HS3ST4: variants seen among roughly 807,000 people sequenced by gnomAD.
The protein encoded by HS3ST4 is heparan sulfate glucosamine 3-O-sulfotransferase 4.
Under a neutral mutation model 29.2 loss-of-function variants are expected in HS3ST4, and 17 were observed. The ratio of observed to expected loss-of-function variants is 0.58; its 90% CI spans 0.40 to 0.87. The LOEUF is 0.87. Ranked by LOEUF, HS3ST4 falls within the 40% of genes least tolerant of loss-of-function variation. HS3ST4 has a pLI of 0.00. For missense variants in HS3ST4, 627 were observed against 634.5 expected (o/e 0.99, Z 0.13); for synonymous variants, 314 against 285.7 (o/e 1.10, Z -1.00).
At chr16:26,091,958 A>G (rs963226477) in intron 1 of HS3ST4, among the ~76,000 whole-genome samples, 1 of 152,148 alleles carries the variant, frequency 6.6e-6, no homozygotes. Context: ...CTGGGGCTTG[A>G]CTTCTGCAGG....
At chr16:25,857,633 C>T (rs745680142) in intron 1 of HS3ST4, among the ~76,000 whole-genome samples, 5 of 152,078 alleles carry the variant, frequency 3.3e-5, no homozygotes, top group Non-Finnish European at 5.9e-5. Flanking sequence ...TTAGGGCTTT[C>T]TATTGTGTCT....
Position 25,814,588 on chromosome 16 carries a change from G to A in HS3ST4, c.734+121437G>A, listed in dbSNP as rs1322488539. Among the ~76,000 whole-genome samples the A allele has an allele frequency of 5.3e-5, 8 of 152,132 alleles. No homozygotes were observed. The East Asian group carries it at 1.2e-3, about 22-fold the overall frequency. On this transcript the variant is annotated intron_variant, in intron 1 of 1. Transcript: ENST00000331351. ...TCTGGAAGTCCTGACCTTGTGATCCGCCTGCCTTGCCTCCCAAAGCGCTGG... is the reference window on the plus strand; with the variant it reads ...TCTGGAAGTCCTGACCTTGTGATCCACCTGCCTTGCCTCCCAAAGCGCTGG...
intron 1 of HS3ST4, among the ~76,000 whole-genome samples, chr16:25,718,052 T>G (rs1289882529): frequency 6.6e-6 from 1 of 152,160 alleles, no homozygotes; most frequent in Non-Finnish European, 1.5e-5. Context: ...CTCCTAGGTT[T>G]GTGGCTGGCT....
At chr16:25,773,496 C>G (rs1966844764) in intron 1 of HS3ST4, among the ~76,000 whole-genome samples, 1 of 152,152 alleles carries the variant, frequency 6.6e-6, no homozygotes, top group African/African-American at 2.4e-5. Context: ...TCATAAACCC[C>G]TTTAACTCTC....
At chr16:25,933,520 A>G (rs1596618633) in intron 1 of HS3ST4, 2 of 424,974 alleles carry the variant, frequency 4.7e-6, no homozygotes, top group Non-Finnish European at 9.4e-6. Flanking sequence ...GCCTCTCTTT[A>G]TGAACTCTCT....
chr16:25,721,193 G>T (rs980158398), intron 1 of HS3ST4, among the ~76,000 whole-genome samples: 1 of 152,048 alleles, frequency 6.6e-6, no homozygotes, highest in Non-Finnish European at 1.5e-5. Flanking sequence ...CTTGGAGGAG[G>T]AGAGGACATG....
chr16:26,102,592 G>T (rs187405789), intron 1 of HS3ST4, among the ~76,000 whole-genome samples: 3 of 152,102 alleles, frequency 2.0e-5, no homozygotes, highest in Non-Finnish European at 4.4e-5. Flanking sequence ...AAGATCGTAC[G>T]TACAAAACAA....
In HS3ST4 at chr16:25,823,378, A is replaced by T. The variant is rs551554851; in HGVS notation, c.734+130227A>T. Among the ~76,000 whole-genome samples the T allele has an allele frequency of 7.6e-4, 116 of 152,248 alleles. 1 individual carries two copies. Among genetic ancestry groups the T allele is most frequent in the Middle Eastern group, 3.4e-3 (1 of 294 alleles). On this transcript the variant is annotated intron_variant, in intron 1 of 1. Coordinates refer to ENST00000331351, the MANE Select transcript of HS3ST4 (RefSeq NM_006040.3). ...CTGCAACTCCTTTCCTACGATAATG[A>T]CTGCTTATTTGTCCAAAAGGAGGAA... is the stretch of plus-strand genomic sequence containing the variant.
At chr16:25,822,284 C>G (rs1333664261) in intron 1 of HS3ST4, among the ~76,000 whole-genome samples, 2 of 152,128 alleles carry the variant, frequency 1.3e-5, no homozygotes, top group South Asian at 2.1e-4. Flanking sequence ...TTGCCTCACT[C>G]AAGAGGTCTC....
At chr16:25,738,272 T>C (rs1966625526) in intron 1 of HS3ST4, among the ~76,000 whole-genome samples, 1 of 152,166 alleles carries the variant, frequency 6.6e-6, no homozygotes, top group Non-Finnish European at 1.5e-5. Context: ...GCTGATGGTG[T>C]GGAGACCTAG....
At chr16:26,035,515 T>C (rs1969574414) in intron 1 of HS3ST4, among the ~76,000 whole-genome samples, 1 of 152,252 alleles carries the variant, frequency 6.6e-6, no homozygotes, top group African/African-American at 2.4e-5. Flanking sequence ...GTCAACAATA[T>C]CCATTCTTTT....
intron 1 of HS3ST4, among the ~76,000 whole-genome samples, chr16:25,879,561 A>T (rs1436449928): frequency 6.6e-6 from 1 of 152,008 alleles, no homozygotes; most frequent in African/African-American, 2.4e-5. Context: ...CATGGGAAAG[A>T]CCCACCCCCA....
chr16:25,740,527 G>A (rs1020809350), intron 1 of HS3ST4, among the ~76,000 whole-genome samples: 1 of 152,144 alleles, frequency 6.6e-6, no homozygotes, highest in Non-Finnish European at 1.5e-5. Flanking sequence ...ACGAGTAGAA[G>A]GACAGCAATG....
In HS3ST4 at chr16:26,112,379, ATC is replaced by A. The variant is rs1458085129; in HGVS notation, c.735-23231_735-23230del. ...AGGCTTGAAGCCTTAAAGCCTCTACATCTTTTTTTTTTTTTTTTTTTGAGACG... is the reference window on the plus strand; with the variant it reads ...AGGCTTGAAGCCTTAAAGCCTCTACATTTTTTTTTTTTTTTTTTTGAGACG... On this transcript the variant is annotated intron_variant, in intron 1 of 1. Coordinates refer to ENST00000331351, the MANE Select transcript of HS3ST4 (RefSeq NM_006040.3). 5.1e-3 allele frequency among the ~76,000 whole-genome samples: 350 copies of A among 68,994 alleles called. 5 individuals are homozygous for A. The highest frequency in any genetic ancestry group is 0.016 in the African/African-American group (337 of 21,698). The allele number at this position is 68,994 out of a possible 152,430, so 45.3% of individuals were successfully genotyped here. A position where few individuals can be genotyped will look rare whatever the true frequency, so the allele number is the denominator to read the frequency against.
intron 1 of HS3ST4, among the ~76,000 whole-genome samples, chr16:26,132,915 G>A (rs1296199819): frequency 6.6e-6 from 1 of 152,110 alleles, no homozygotes; most frequent in Non-Finnish European, 1.5e-5. Flanking sequence ...GTTGCATAAT[G>A]AAACAAGGGA....
rs186890340 is a variant in HS3ST4, at chr16:25,807,713, A to G, written c.734+114562A>G. Among the ~76,000 whole-genome samples the G allele has an allele frequency of 4.6e-5, 7 of 152,332 alleles. No homozygotes were observed. The East Asian group carries it at 9.6e-4, about 21-fold the overall frequency. Reference sequence around the variant, plus strand: ...GGTGGGTTTCCATGTTTAGTTTTCTAAGAAAATGTCAAACATTTCCAGAAT... The same window carrying G: ...GGTGGGTTTCCATGTTTAGTTTTCTGAGAAAATGTCAAACATTTCCAGAAT... On this transcript the variant is annotated intron_variant, in intron 1 of 1. Coordinates refer to ENST00000331351, the MANE Select transcript of HS3ST4 (RefSeq NM_006040.3).
intron 1 of HS3ST4, among the ~76,000 whole-genome samples, chr16:25,892,343 A>G (rs970016937): frequency 2.0e-5 from 3 of 152,170 alleles, no homozygotes; most frequent in Admixed American, 6.5e-5. Context: ...CTTCCAAAAC[A>G]TTATGACCCC....
At chr16:25,979,538 G>A (rs77492099) in intron 1 of HS3ST4, among the ~76,000 whole-genome samples, 4,086 of 152,216 alleles carry the variant, frequency 0.027, 170 homozygotes, top group African/African-American at 0.094. Context: ...AGAATCAGAT[G>A]CCCCATGATC....
chr16:25,717,884 A>T (rs965937276), intron 1 of HS3ST4, among the ~76,000 whole-genome samples: 1 of 152,172 alleles, frequency 6.6e-6, no homozygotes, highest in Non-Finnish European at 1.5e-5. Flanking sequence ...AAGTTCTTCC[A>T]GTAGTCCAGG....
Sources: allele counts gnomAD v4.1 joint callset (sites outside exome capture counted in the v4.1 genomes callset), GRCh38; gene constraint gnomAD v4.1.1; transcripts MANE v1.5; gene names NCBI Gene and HGNC (gene_info 2026-07-23, HGNC 2026-07-21).